SLC35F4: variants seen among roughly 807,000 people sequenced by gnomAD.
SLC35F4 encodes chromosome 14 open reading frame 36.
A neutral mutation model predicts 44.2 loss-of-function variants in SLC35F4; 24 were observed. The observed-to-expected ratio is 0.54, with a 90% CI of 0.39 to 0.76. The LOEUF is 0.76. Among genes scored for constraint, SLC35F4 ranks in the 30% least tolerant of loss-of-function variants. The pLI is 0.00. For synonymous variants in SLC35F4, 238 were observed against 223.6 expected (o/e 1.06, Z -0.57); for missense variants, 562 against 586.1 (o/e 0.96, Z 0.42).
At chr14:57,711,614 G>A (rs1035400994) in intron 1 of SLC35F4, among the ~76,000 whole-genome samples, 4 of 114,372 alleles carry the variant, frequency 3.5e-5, no homozygotes, top group African/African-American at 1.0e-4. Flanking sequence ...CATTTGTTAT[G>A]GTGCTCTATC....
chr14:57,602,304 C>A (rs1353834986), intron 1 of SLC35F4: 1 of 152,054 alleles, frequency 6.6e-6, no homozygotes, highest in Non-Finnish European at 1.5e-5. Flanking sequence ...TTGTGGGGAG[C>A]AAACAAGGTG....
chr14:57,961,346 C>A (rs1205253782), intron 1 of SLC35F4, among the ~76,000 whole-genome samples: 15 of 152,100 alleles, frequency 9.9e-5, no homozygotes, highest in Admixed American at 9.8e-4. Context: ...TGGCAGGCTG[C>A]ATTGCAGAGC....
intron 1 of SLC35F4, among the ~76,000 whole-genome samples, chr14:57,719,886 C>T (rs2076041419): frequency 6.6e-6 from 1 of 151,968 alleles, no homozygotes; most frequent in African/African-American, 2.4e-5. Context: ...CCTTGTGCTC[C>T]AGATCTAAGA....
chr14:57,715,218 A>G (rs1157218802), intron 1 of SLC35F4, among the ~76,000 whole-genome samples: 1 of 152,170 alleles, frequency 6.6e-6, no homozygotes, highest in Non-Finnish European at 1.5e-5. Context: ...TTTATAGACA[A>G]TAATGCAGAA....
rs1206851041 is a variant in SLC35F4 at position 57,571,963 on chromosome 14, A to G, written c.864T>C (p.Asn288=). 1 of 1,612,428 alleles carries G rather than the reference A, an allele frequency of 6.2e-7. No individual in the cohort carries two copies. Among genetic ancestry groups the G allele is most frequent in the Admixed American group, 1.7e-5 (1 of 59,826 alleles). The change falls in exon 5 of 8, where the codon AAT becomes AAC. Residue 288 remains asparagine, a synonymous_variant. Coordinates refer to ENST00000556826, the MANE Select transcript of SLC35F4 (RefSeq NM_001306087.2). ...CTCCTATGATGGAATCAGCGTGGAA[A>G]TTATCTGCATATGCCATCATGACAA... is the stretch of plus-strand genomic sequence containing the variant. ...TGIVMMAYAD[N]FHADSIIGVA...
intron 1 of SLC35F4, among the ~76,000 whole-genome samples, chr14:57,979,283 G>C (rs1270719210): frequency 6.6e-6 from 1 of 152,180 alleles, no homozygotes; most frequent in Non-Finnish European, 1.5e-5. Flanking sequence ...AGATATTGTA[G>C]CTGGCTGGCA....
At chr14:57,648,932 GACTC>G (rs1409662185) in intron 1 of SLC35F4, among the ~76,000 whole-genome samples, 2 of 152,202 alleles carry the variant, frequency 1.3e-5, no homozygotes, top group African/African-American at 4.8e-5. Flanking sequence ...ACAGACCTAC[GACTC>G]ACTCACTCTG....
chr14:57,853,663 G>A (rs1021503736), intron 1 of SLC35F4, among the ~76,000 whole-genome samples: 2 of 151,878 alleles, frequency 1.3e-5, no homozygotes, highest in Non-Finnish European at 1.5e-5. Context: ...ACACGTAAAC[G>A]CTGGAACTGC....
chr14:57,658,470 T>C (rs543254022), intron 1 of SLC35F4, among the ~76,000 whole-genome samples: 8 of 152,310 alleles, frequency 5.3e-5, no homozygotes, highest in African/African-American at 1.9e-4. Context: ...GGTCTGCATA[T>C]ATTTGAGATG....
At chr14:57,727,621 A>C (rs117358284) in intron 1 of SLC35F4, among the ~76,000 whole-genome samples, 1,683 of 152,120 alleles carry the variant, frequency 0.011, 15 homozygotes, top group South Asian at 0.051. Context: ...CACAATTTCC[A>C]ATTTCTTCCT....
At chr14:57,660,963 A>T (rs2074119036) in intron 1 of SLC35F4, among the ~76,000 whole-genome samples, 1 of 152,218 alleles carries the variant, frequency 6.6e-6, no homozygotes, top group Non-Finnish European at 1.5e-5. Context: ...AAGCAGTAGT[A>T]GAAAACTAAT....
intron 1 of SLC35F4, chr14:57,630,039 C>A: frequency 3.7e-6 from 2 of 536,990 alleles, no homozygotes; most frequent in Non-Finnish European, 7.6e-6. Flanking sequence ...TTGATTTCTA[C>A]ATTCGCTGTC....
chr14:57,689,830 T>A (rs1251842886), intron 1 of SLC35F4, among the ~76,000 whole-genome samples: 1 of 151,986 alleles, frequency 6.6e-6, no homozygotes, highest in African/African-American at 2.4e-5. Flanking sequence ...GGCACACGTA[T>A]ACATATGTAA....
At chr14:57,616,799 T>C (rs2071856614) in intron 1 of SLC35F4, among the ~76,000 whole-genome samples, 1 of 152,182 alleles carries the variant, frequency 6.6e-6, no homozygotes, top group African/African-American at 2.4e-5. Flanking sequence ...CCCACCTTCA[T>C]CTTAAATAAG....
At chr14:57,882,355 A>C (rs1013930852) in intron 1 of SLC35F4, among the ~76,000 whole-genome samples, 17 of 152,044 alleles carry the variant, frequency 1.1e-4, no homozygotes, top group African/African-American at 3.6e-4. Flanking sequence ...CCCACCTCCC[A>C]CCACCTATCT....
chr14:57,654,604 T>C (rs953964537), intron 1 of SLC35F4, among the ~76,000 whole-genome samples: 12 of 152,348 alleles, frequency 7.9e-5, no homozygotes, highest in Non-Finnish European at 1.5e-4. Context: ...TCTGGGTAGA[T>C]ACCCATAGTG....
intron 1 of SLC35F4, among the ~76,000 whole-genome samples, 186 bp downstream of exon 1, chr14:57,865,537 C>T (rs1888083173): frequency 1.3e-5 from 2 of 152,172 alleles, no homozygotes; most frequent in Non-Finnish European, 2.9e-5. Flanking sequence ...TCTCACGGTT[C>T]AGCACCGAGG....
intron 3 of SLC35F4, among the ~76,000 whole-genome samples, chr14:57,588,049 G>C (rs532730689): frequency 7.5e-6 from 1 of 132,842 alleles, no homozygotes; most frequent in Non-Finnish European, 1.7e-5. Flanking sequence ...AGCCAGGCAT[G>C]GTGGCGGGCG....
At chr14:57,644,227 C>T (rs894144496) in intron 1 of SLC35F4, among the ~76,000 whole-genome samples, 1 of 152,142 alleles carries the variant, frequency 6.6e-6, no homozygotes, top group Non-Finnish European at 1.5e-5. Flanking sequence ...AGTTTACAGT[C>T]CCACCAACAG....
Sources: allele counts gnomAD v4.1 joint callset (sites outside exome capture counted in the v4.1 genomes callset), GRCh38; gene constraint gnomAD v4.1.1; transcripts MANE v1.5; gene names NCBI Gene and HGNC (gene_info 2026-07-23, HGNC 2026-07-21).